Variants in FMN2 observed in about 807,000 individuals in gnomAD.
FMN2 encodes formin 2.
In FMN2, 51 loss-of-function variants were observed where a neutral mutation model predicts 142.3. That is an observed-to-expected ratio of 0.36 (90% CI 0.29 to 0.45). FMN2 has a LOEUF of 0.45. Among genes scored for constraint, FMN2 ranks in the 20% least tolerant of loss-of-function variants. The pLI is 1.00. For missense variants in FMN2, 1,936 were observed against 2,122.8 expected, an observed-to-expected ratio of 0.91 and a Z score of 1.73; for synonymous variants, 882 against 869.8, an observed-to-expected ratio of 1.01 and a Z score of -0.25.
At position 240,170,463 on chromosome 1, in the gene FMN2, G is replaced by A; in HGVS notation, c.1783-7458G>A. ...ATCCCATTTTACATCCCACAGTGTG[G>A]AGAATGCAAATTTTGTCTAAATCCT... On this transcript the variant is annotated intron_variant, in intron 2 of 17. Coordinates refer to ENST00000319653, the MANE Select transcript of FMN2 (RefSeq NM_020066.5). 4 of 1,387,158 alleles carry A rather than the reference G, an allele frequency of 2.9e-6. No individual in the cohort carries two copies. In the South Asian group the frequency reaches 4.6e-5, roughly 16 times the overall value. 85.9% of individuals were successfully genotyped at this position (1,387,158 alleles called of 1,614,324 possible). A position where few individuals can be genotyped will look rare whatever the true frequency, so the allele number is the denominator to read the frequency against.
intron 16 of FMN2, among the ~76,000 whole-genome samples, chr1:240,465,740 C>T (rs1295150020): frequency 6.6e-6 from 1 of 152,216 alleles, no homozygotes; most frequent in African/African-American, 2.4e-5. Flanking sequence ...GGCTCCCTTT[C>T]TCATTCGATT....
intron 2 of FMN2, among the ~76,000 whole-genome samples, chr1:240,157,351 G>A (rs906637957): frequency 9.8e-5 from 15 of 152,300 alleles, no homozygotes; most frequent in African/African-American, 2.4e-4. Context: ...CATTAAAACC[G>A]TGCTTTCCTA....
chr1:240,336,553 C>CAAAAAAAAAAAAAAA (rs552135436), intron 13 of FMN2, among the ~76,000 whole-genome samples: 1 of 50,492 alleles, frequency 2.0e-5, no homozygotes, highest in East Asian at 2.0e-3. Flanking sequence ...TGGTATTCTC[C>CAAAAAAAAAAAAAAA]AAAAAAAAAA....
chr1:240,222,835 T>C (rs1160705141), intron 6 of FMN2, among the ~76,000 whole-genome samples: 2 of 152,242 alleles, frequency 1.3e-5, no homozygotes, highest in African/African-American at 4.8e-5. Flanking sequence ...TTTTTGCACA[T>C]TGATTTTGTA....
intron 9 of FMN2, 73 bp from the exon 10 acceptor site, chr1:240,329,266 G>C (rs1481074923): frequency 1.9e-5 from 30 of 1,598,010 alleles, no homozygotes; most frequent in Middle Eastern, 1.7e-4. Context: ...CATACTTGTT[G>C]TGAATGAGAT....
chr1:240,248,104 A>G (rs1033304871), intron 6 of FMN2, among the ~76,000 whole-genome samples: 1 of 151,448 alleles, frequency 6.6e-6, no homozygotes, highest in African/African-American at 2.4e-5. Flanking sequence ...CCCCTCCACC[A>G]CCCACCCTAC....
At chr1:240,217,296 TGACA>T (rs1434137531) in intron 6 of FMN2, among the ~76,000 whole-genome samples, 9 of 152,196 alleles carry the variant, frequency 5.9e-5, no homozygotes, top group Admixed American at 5.9e-4. Flanking sequence ...GCTTGCAGAG[TGACA>T]GACTGAATGA....
intron 4 of FMN2, among the ~76,000 whole-genome samples, chr1:240,195,155 C>A (rs146787072): frequency 1.3e-5 from 2 of 152,126 alleles, no homozygotes; most frequent in Non-Finnish European, 2.9e-5. Context: ...TTATTTGGAG[C>A]CCCCAAATCA....
At chr1:240,450,546 C>CTCT (rs1675975599) in intron 16 of FMN2, among the ~76,000 whole-genome samples, 1 of 152,178 alleles carries the variant, frequency 6.6e-6, no homozygotes, top group Non-Finnish European at 1.5e-5. Flanking sequence ...TGTCTCCATC[C>CTCT]TCTCCCACCC....
rs1376892498 is a variant in FMN2, at chr1:240,092,160, C to T, written c.51C>T (p.His17=). The T allele has an allele frequency of 1.3e-6, 2 of 1,573,504 alleles. No individual in the cohort carries two copies. Among genetic ancestry groups the T allele is most frequent in the Middle Eastern group, 1.7e-4 (1 of 5,760 alleles). Residue 17 remains histidine, a synonymous_variant, in exon 1 of 18, where the codon CAC becomes CAT. Coordinates refer to ENST00000319653, the MANE Select transcript of FMN2 (RefSeq NM_020066.5). The part of the protein sequence containing the change: ...KLKRSAGDAL[H]EGGGGAEDAL... The stretch of plus-strand genomic sequence containing the variant: ...AGAGGAGCGCAGGTGATGCTTTGCA[C>T]GAAGGCGGCGGTGGCGCCGAGGATG...
At chr1:240,119,144 A>G (rs1267509754) in intron 1 of FMN2, among the ~76,000 whole-genome samples, 1 of 152,000 alleles carries the variant, frequency 6.6e-6, no homozygotes, top group Non-Finnish European at 1.5e-5. Context: ...CCTGGCCAAC[A>G]TGGTGAAATC....
intron 15 of FMN2, among the ~76,000 whole-genome samples, chr1:240,425,407 T>G (rs1456364188): frequency 1.3e-5 from 2 of 152,174 alleles, no homozygotes; most frequent in Non-Finnish European, 2.9e-5. Context: ...TAGCCAAAAG[T>G]AAAGTAAAAA....
At chr1:240,192,781 A>G (rs1260056858) in intron 4 of FMN2, among the ~76,000 whole-genome samples, 1 of 152,212 alleles carries the variant, frequency 6.6e-6, no homozygotes, top group East Asian at 1.9e-4. Flanking sequence ...CAGTGCTGAC[A>G]TTGAAGATAG....
intron 2 of FMN2, among the ~76,000 whole-genome samples, chr1:240,130,649 A>C (rs1385998653): frequency 6.6e-6 from 1 of 152,166 alleles, no homozygotes. Context: ...AAAGTATCCC[A>C]TATTTAGTTT....
intron 6 of FMN2, among the ~76,000 whole-genome samples, chr1:240,219,844 G>A (rs984268952): frequency 2.6e-5 from 4 of 151,870 alleles, no homozygotes; most frequent in Non-Finnish European, 5.9e-5. Flanking sequence ...TATTTTGTAG[G>A]GACGGGGAGT....
intron 7 of FMN2, among the ~76,000 whole-genome samples, chr1:240,272,548 A>T (rs1669053103): frequency 6.6e-6 from 1 of 152,112 alleles, no homozygotes; most frequent in Non-Finnish European, 1.5e-5. Flanking sequence ...TACTCTCAGG[A>T]TGCTCCCTGG....
intron 2 of FMN2, among the ~76,000 whole-genome samples, chr1:240,128,990 C>T (rs561115945): frequency 1.3e-5 from 2 of 152,080 alleles, no homozygotes; most frequent in South Asian, 4.1e-4. Flanking sequence ...TCACCTGCCT[C>T]AGCCTCCTAA....
chr1:240,342,604 A>T (rs1472011240), intron 13 of FMN2, among the ~76,000 whole-genome samples: 1 of 152,174 alleles, frequency 6.6e-6, no homozygotes, highest in Non-Finnish European at 1.5e-5. Context: ...CAAGTTCTCG[A>T]TATTACCAAA....
rs774596288 is a variant in FMN2, at chr1:240,413,109, C to T, written c.4910+20547C>T. ...CTGCACTCCAGCCTGGGCGACAAAG[C>T]GAGACTCTGTCAAAAAAAAAAAAAA... On this transcript the variant is annotated intron_variant, in intron 15 of 17. Transcript: ENST00000319653. Among the ~76,000 whole-genome samples, 60 of 90,900 alleles carry T rather than the reference C, an allele frequency of 6.6e-4. 1 individual carries two copies. Among genetic ancestry groups the T allele is most frequent in the Middle Eastern group, 0.014 (1 of 74 alleles). 59.6% of individuals were successfully genotyped at this position (90,900 alleles called of 152,430 possible). A position where few individuals can be genotyped will look rare whatever the true frequency, so the allele number is the denominator to read the frequency against.
Sources: gnomAD v4.1 joint callset for allele counts (sites outside exome capture counted in the v4.1 genomes callset) on GRCh38, gnomAD v4.1.1 for gene constraint, MANE v1.5 for transcripts, NCBI Gene and HGNC (gene_info 2026-07-23, HGNC 2026-07-21) for gene names.